TMTC2: variants seen among roughly 807,000 people sequenced by gnomAD.
TMTC2 encodes the protein transmembrane O-mannosyltransferase targeting cadherins 2, also known as protein O-mannosyl-transferase TMTC2.
TMTC2 carries 43 observed loss-of-function variants against 82.4 expected under a neutral mutation model. The observed-to-expected ratio is 0.52, with a 90% confidence interval of 0.41 to 0.67. TMTC2 has a LOEUF of 0.67. TMTC2 is among the 30% of genes least tolerant of loss of function. The pLI is 0.00. For synonymous variants in TMTC2, 408 were observed against 381.9 expected (o/e 1.07, Z -0.80); for missense variants, 919 against 1,012.4 (o/e 0.91, Z 1.25).
At chr12:82,937,976 G>A (rs1297744807) in intron 4 of TMTC2, among the ~76,000 whole-genome samples, 2 of 146,674 alleles carry the variant, frequency 1.4e-5, no homozygotes, top group South Asian at 2.2e-4. Context: ...GTGCAGTGGC[G>A]TGATCTCAGC....
At chr12:82,805,306 A>G (rs1457092864) in intron 1 of TMTC2, among the ~76,000 whole-genome samples, 3 of 152,126 alleles carry the variant, frequency 2.0e-5, no homozygotes, top group African/African-American at 7.2e-5. Context: ...TGTGGGAGCT[A>G]AGAACATAAA....
chr12:83,110,557 A>AC (rs151249368), intron 11 of TMTC2, among the ~76,000 whole-genome samples: 174 of 152,316 alleles, frequency 1.1e-3, no homozygotes, highest in African/African-American at 4.1e-3. Flanking sequence ...ACTAGTAAGT[A>AC]CAACACTCAG....
At chr12:82,933,668 A>G (rs1272924684) in intron 4 of TMTC2, among the ~76,000 whole-genome samples, 2 of 152,206 alleles carry the variant, frequency 1.3e-5, no homozygotes, top group Admixed American at 1.3e-4. Context: ...ACCTAGTTGT[A>G]TTAATTGGCG....
chr12:83,093,288 T>G (rs79396144), intron 11 of TMTC2, among the ~76,000 whole-genome samples: 8,347 of 152,234 alleles, frequency 0.055, 338 homozygotes, highest in East Asian at 0.22. Context: ...ATTTAAAAAT[T>G]ACATTTTTAC....
intron 1 of TMTC2, among the ~76,000 whole-genome samples, chr12:82,728,980 C>T (rs904194676): frequency 3.5e-4 from 54 of 152,228 alleles, no homozygotes; most frequent in Non-Finnish European, 6.8e-4. Flanking sequence ...TCGGGACCTG[C>T]AGCACCCCAT....
Position 82,842,488 on chromosome 12 carries a change from A to G in TMTC2, c.84-14522A>G, listed in dbSNP as rs111589968. On this transcript the variant is annotated intron_variant, in intron 1 of 11. Transcript: ENST00000321196. ...TCAAAAACAGCAGCAGACATAGTAT[A>G]TATTGTAGAAATATGGCTTGTACGT... 4.7e-3 allele frequency among the ~76,000 whole-genome samples: 712 copies of G among 152,358 alleles called. 9 individuals are homozygous for G. The highest frequency in any genetic ancestry group is 0.016 in the African/African-American group (671 of 41,588).
chr12:82,703,692 G>T (rs1337793142), intron 1 of TMTC2, among the ~76,000 whole-genome samples: 1 of 151,912 alleles, frequency 6.6e-6, no homozygotes, highest in East Asian at 1.9e-4. Flanking sequence ...GTAGAGACGG[G>T]GTTTCACCAT....
At chr12:82,818,836 T>C (rs960978122) in intron 1 of TMTC2, among the ~76,000 whole-genome samples, 4 of 152,148 alleles carry the variant, frequency 2.6e-5, no homozygotes, top group African/African-American at 9.6e-5. Flanking sequence ...GTTAATGTAA[T>C]GTGAAAATAA....
At chr12:82,947,037 C>T (rs924782006) in intron 4 of TMTC2, among the ~76,000 whole-genome samples, 2 of 151,906 alleles carry the variant, frequency 1.3e-5, no homozygotes, top group African/African-American at 2.4e-5. Flanking sequence ...CCACCGCACC[C>T]GGCCCAGGCA....
intron 1 of TMTC2, among the ~76,000 whole-genome samples, chr12:82,833,482 G>A (rs1404511978): frequency 6.6e-6 from 1 of 152,170 alleles, no homozygotes; most frequent in Non-Finnish European, 1.5e-5. Flanking sequence ...GTTCTTTCTT[G>A]AAGAGATTGT....
At chr12:82,997,219 C>CTATA (rs1421649838) in intron 8 of TMTC2, among the ~76,000 whole-genome samples, 1 of 127,478 alleles carries the variant, frequency 7.8e-6, no homozygotes, top group African/African-American at 3.3e-5. Flanking sequence ...CTCTCTCTCT[C>CTATA]TCTATATATA....
At chr12:82,731,034 C>G (rs915265156) in intron 1 of TMTC2, among the ~76,000 whole-genome samples, 1 of 152,176 alleles carries the variant, frequency 6.6e-6, no homozygotes, top group Admixed American at 6.5e-5. Context: ...GCATCTGTAG[C>G]TATGTAATGT....
At position 83,133,387 on chromosome 12, in the gene TMTC2, T is replaced by C. The variant is rs567216167; in HGVS notation, c.*998T>C. 6.6e-6 allele frequency: 1 copy of C among 152,292 alleles called. No homozygotes were observed. Among genetic ancestry groups the C allele is most frequent in the Admixed American group, 6.5e-5 (1 of 15,302 alleles). The allele number at this position is 152,292 out of a possible 1,614,324, so 9.4% of individuals were successfully genotyped here. ...TGTGTGATGATGCTTGCCAGTGATT[T>C]TGTGTTTTGGAAAGGGTAGGTATCG... On this transcript the variant is annotated 3_prime_UTR_variant, in exon 12 of 12. Transcript: ENST00000321196.
intron 3 of TMTC2, among the ~76,000 whole-genome samples, chr12:82,908,331 G>T: frequency 6.6e-6 from 1 of 151,918 alleles, no homozygotes; most frequent in East Asian, 1.9e-4. Context: ...AATGGTTTTT[G>T]ATTTTTTCAC....
At chr12:82,742,014 A>G (rs557310945) in intron 1 of TMTC2, among the ~76,000 whole-genome samples, 18 of 152,214 alleles carry the variant, frequency 1.2e-4, no homozygotes, top group African/African-American at 4.3e-4. Flanking sequence ...GTCATCATGT[A>G]TATGTTTCAG....
chr12:82,897,785 A>G (rs1341960852), intron 3 of TMTC2, among the ~76,000 whole-genome samples: 1 of 151,940 alleles, frequency 6.6e-6, no homozygotes, highest in East Asian at 1.9e-4. Flanking sequence ...TTGGCCTCCT[A>G]AAGTGCTAGG....
At chr12:82,845,261 A>G (rs1336569871) in intron 1 of TMTC2, among the ~76,000 whole-genome samples, 2 of 138,230 alleles carry the variant, frequency 1.4e-5, no homozygotes, top group African/African-American at 5.3e-5. Context: ...AAATATATAT[A>G]TATATATATA....
chr12:83,069,022 C>T (rs950920828), intron 11 of TMTC2, among the ~76,000 whole-genome samples: 4 of 152,038 alleles, frequency 2.6e-5, no homozygotes, highest in Non-Finnish European at 5.9e-5. Context: ...TCCAAGTCAC[C>T]GCAAATGCTG....
At chr12:83,012,450 C>A (rs1032766245) in intron 8 of TMTC2, among the ~76,000 whole-genome samples, 10 of 152,036 alleles carry the variant, frequency 6.6e-5, no homozygotes, top group African/African-American at 2.4e-4. Context: ...TGGCAGAAGT[C>A]CTCAGCATTA....
Sources: allele counts gnomAD v4.1 joint callset (sites outside exome capture counted in the v4.1 genomes callset), GRCh38; gene constraint gnomAD v4.1.1; transcripts MANE v1.5; gene names NCBI Gene and HGNC (gene_info 2026-07-23, HGNC 2026-07-21).